The following GNAS-AS1 variants were observed in gnomAD, a reference collection of about 807,000 sequenced individuals.
The protein encoded by GNAS-AS1 is GNAS antisense RNA 1.
At chr20:58,848,309 A>T (rs2086016362) in intron 2 of GNAS-AS1, among the ~76,000 whole-genome samples, 1 of 152,216 alleles carries the variant, frequency 6.6e-6, no homozygotes. Context: ...TCCAGCACAC[A>T]GCCCCTCATG....
At chr20:58,827,691 T>C (rs1371053297) in intron 4 of GNAS-AS1, among the ~76,000 whole-genome samples, 3 of 152,188 alleles carry the variant, frequency 2.0e-5, no homozygotes, top group African/African-American at 4.8e-5. Context: ...GTCTCCAAGA[T>C]ATGTAGATAG....
chr20:58,839,124 T>C, intron 4 of GNAS-AS1: 1 of 398,480 alleles, frequency 2.5e-6, no homozygotes, highest in East Asian at 3.6e-5. Context: ...AGGGCAGTCC[T>C]CAGATGGGCT....
chr20:58,825,921 C>G, intron 4 of GNAS-AS1: 1 of 395,272 alleles, frequency 2.5e-6, no homozygotes, highest in Non-Finnish European at 4.5e-6. Flanking sequence ...CACAAAGCCA[C>G]GACAACTGGT....
At chr20:58,844,329 A>G (rs943873987) in intron 2 of GNAS-AS1, among the ~76,000 whole-genome samples, 1 of 152,232 alleles carries the variant, frequency 6.6e-6, no homozygotes, top group African/African-American at 2.4e-5. Flanking sequence ...TCTCTAAAAA[A>G]TCACCCAGCA....
At position 58,841,615 on chromosome 20, in the gene GNAS-AS1, C is replaced by T. The variant is rs183454229; in HGVS notation, n.819+322G>A. Reference sequence around the variant, plus strand: ...GCCTCAAAGAGCGTGCGCACCTGCCCGCGCGCGCCGGAGCTGACCTCTCCC... The same window carrying T: ...GCCTCAAAGAGCGTGCGCACCTGCCTGCGCGCGCCGGAGCTGACCTCTCCC... On this transcript the variant is annotated intron_variant and non_coding_transcript_variant, in intron 4 of 4. Transcript: ENST00000424094. The surrounding 1 kb of genome is among the most constrained non-coding windows in gnomAD (Gnocchi z 5.0). 2.9e-6 allele frequency: 3 copies of T among 1,048,612 alleles called. No individual in the cohort carries two copies. The African/African-American group carries it at 5.0e-5, about 18-fold the overall frequency. 65.0% of individuals were successfully genotyped at this position (1,048,612 alleles called of 1,614,324 possible). A position where few individuals can be genotyped will look rare whatever the true frequency, so the allele number is the denominator to read the frequency against.
exon 4 of GNAS-AS1, chr20:58,842,090 T>C (rs1304126734): frequency 7.4e-6 from 3 of 404,010 alleles, no homozygotes; most frequent in African/African-American, 6.2e-5. Context: ...TCCGGCCATT[T>C]TCAGCACGGG....
intron 4 of GNAS-AS1, among the ~76,000 whole-genome samples, chr20:58,827,411 C>T (rs1444989655): frequency 2.0e-5 from 3 of 152,178 alleles, no homozygotes; most frequent in African/African-American, 7.2e-5. Context: ...CTGGTTGCCT[C>T]GTAGAGAAGT....
chr20:58,830,280 ACACCACCATCACCAC>A (rs2085548435), intron 4 of GNAS-AS1, among the ~76,000 whole-genome samples: 5 of 135,140 alleles, frequency 3.7e-5, no homozygotes, highest in Non-Finnish European at 6.4e-5. Context: ...CACCACCGCC[ACACCACCATCACCAC>A]CACCATCACC....
chr20:58,839,567 C>G, intron 4 of GNAS-AS1: 1 of 407,102 alleles, frequency 2.5e-6, no homozygotes, highest in East Asian at 3.5e-5. Context: ...CATCGCTTCG[C>G]CCAAATCCTT....
chr20:58,826,457 G>C (rs1252783928), intron 4 of GNAS-AS1, among the ~76,000 whole-genome samples: 2 of 152,158 alleles, frequency 1.3e-5, no homozygotes, highest in Non-Finnish European at 2.9e-5. Flanking sequence ...CCTACGACGA[G>C]TGGGCAGGGG....
chr20:58,840,439 C>G lies in GNAS-AS1; in HGVS notation n.819+1498G>C. The stretch of plus-strand genomic sequence containing the variant: ...ACGAGGAAGAGTTCGACTACGAGAC[C>G]GAGAGCGAGACCGAGTCCGAAATCG... On this transcript the variant is annotated intron_variant and non_coding_transcript_variant, in intron 4 of 4. Coordinates refer to ENST00000424094, the Ensembl canonical transcript of GNAS-AS1. This position sits in a 1 kb window ranked among gnomAD's most constrained non-coding sequence, Gnocchi z 6.0. 1.2e-6 allele frequency: 2 copies of G among 1,613,346 alleles called. No individual in the cohort carries two copies. Among genetic ancestry groups the G allele is most frequent in the Non-Finnish European group, 1.7e-6 (2 of 1,179,760 alleles).
chr20:58,823,493 G>A (rs377118689), intron 4 of GNAS-AS1, among the ~76,000 whole-genome samples: 4 of 152,350 alleles, frequency 2.6e-5, no homozygotes, highest in East Asian at 1.9e-4. Context: ...CACGTGCCTG[G>A]AGCATGCGGT....
intron 2 of GNAS-AS1, among the ~76,000 whole-genome samples, chr20:58,848,170 A>G (rs1367012421): frequency 1.3e-5 from 2 of 152,248 alleles, no homozygotes; most frequent in South Asian, 4.1e-4. Flanking sequence ...CTTTCTTAGT[A>G]CATCAAGTGC....
intron 2 of GNAS-AS1, chr20:58,843,392 T>G (rs2145489243): frequency 6.6e-6 from 1 of 152,314 alleles, no homozygotes; most frequent in South Asian, 2.1e-4. Flanking sequence ...TCTCTCTGCC[T>G]GAGAGACTGG....
At chr20:58,838,021 G>A (rs1600650280) in intron 4 of GNAS-AS1, among the ~76,000 whole-genome samples, 1 of 152,326 alleles carries the variant, frequency 6.6e-6, no homozygotes, top group East Asian at 1.9e-4. Context: ...CAGTGGTAGA[G>A]CCTCTTTTTT....
At position 58,840,199 on chromosome 20, in the gene GNAS-AS1, G is replaced by T; in HGVS notation, n.819+1738C>A. 6.2e-7 allele frequency: 1 copy of T among 1,611,154 alleles called. No homozygotes were observed. ...CCATAGGCCGCCGGGCAGCCACCGC[G>T]CTCCTCTGGCTCTCCTGCTCCATCG... On this transcript the variant is annotated intron_variant and non_coding_transcript_variant, in intron 4 of 4. Coordinates refer to ENST00000424094, the Ensembl canonical transcript of GNAS-AS1. This position sits in a 1 kb window ranked among gnomAD's most constrained non-coding sequence, Gnocchi z 6.0.
At chr20:58,819,631 G>A (rs924578212) in intron 4 of GNAS-AS1, among the ~76,000 whole-genome samples, 1 of 152,102 alleles carries the variant, frequency 6.6e-6, no homozygotes, top group Non-Finnish European at 1.5e-5. Context: ...AAGAACAGAG[G>A]GCAAGAAGCC....
chr20:58,823,252 T>A (rs1379154252), intron 4 of GNAS-AS1, among the ~76,000 whole-genome samples: 7 of 152,240 alleles, frequency 4.6e-5, no homozygotes, highest in Non-Finnish European at 1.0e-4. Flanking sequence ...TAAATACCAC[T>A]GCCTCATTCG....
chr20:58,823,794 G>A (rs1333375168), intron 4 of GNAS-AS1, among the ~76,000 whole-genome samples: 1 of 152,170 alleles, frequency 6.6e-6, no homozygotes, highest in Non-Finnish European at 1.5e-5. Context: ...CGTGAAAGGG[G>A]GCTCAAAAGA....
Sources: allele counts gnomAD v4.1 joint callset (sites outside exome capture counted in the v4.1 genomes callset), GRCh38; gene constraint gnomAD v4.1.1; non-coding constraint Gnocchi (gnomAD v3.1); transcripts MANE v1.5; gene names NCBI Gene and HGNC (gene_info 2026-07-23, HGNC 2026-07-21).